Variants in RAB38 observed in about 807,000 individuals in gnomAD.
RAB38 encodes the protein ras-related protein Rab-38.
RAB38 carries 15 observed loss-of-function variants against 18.4 expected under a neutral mutation model. That is an observed-to-expected ratio of 0.82 (90% CI 0.55 to 1.26). RAB38 has a LOEUF of 1.26. Among genes scored for constraint, RAB38 ranks in the 50% most tolerant of loss-of-function variants. RAB38 has a pLI of 0.00. For synonymous variants in RAB38, 101 were observed against 104.4 expected, an observed-to-expected ratio of 0.97 and a Z score of 0.20; for missense variants, 294 against 267.4, an observed-to-expected ratio of 1.10 and a Z score of -0.69.
the RAB38 span, among the ~76,000 whole-genome samples, chr11:87,942,397 A>C: frequency 6.6e-5 from 10 of 152,254 alleles, no homozygotes; most frequent in East Asian, 1.9e-3. Context: ...TCCCTGATGA[A>C]TTCTAGGGTA....
the RAB38 span, among the ~76,000 whole-genome samples, chr11:87,924,258 G>A: frequency 2.0e-5 from 3 of 151,978 alleles, no homozygotes; most frequent in Admixed American, 6.6e-5. Flanking sequence ...CTTGGAAGTC[G>A]GTAAGTAAGG....
the RAB38 span, among the ~76,000 whole-genome samples, chr11:87,921,984 A>G: frequency 6.6e-6 from 1 of 152,056 alleles, no homozygotes; most frequent in Admixed American, 6.6e-5. Flanking sequence ...GTAGGCAGGT[A>G]GACAGATAAG....
At chr11:87,826,281 A>G in the RAB38 span, among the ~76,000 whole-genome samples, 17 of 152,280 alleles carry the variant, frequency 1.1e-4, 1 homozygote, top group Middle Eastern at 0.01. Flanking sequence ...GGTCAGAACA[A>G]TATTACATTG....
intron 2 of RAB38, among the ~76,000 whole-genome samples, chr11:88,121,764 A>C (rs938104864): frequency 6.6e-6 from 1 of 152,112 alleles, no homozygotes; most frequent in Non-Finnish European, 1.5e-5. Context: ...GGGTTTCACC[A>C]TGTTGGCCAG....
At chr11:87,957,114 G>A in the RAB38 span, among the ~76,000 whole-genome samples, 1 of 151,728 alleles carries the variant, frequency 6.6e-6, no homozygotes, top group African/African-American at 2.4e-5. Flanking sequence ...ACTTACAGTG[G>A]GTGAGGAAAA....
chr11:88,025,628 G>T, the RAB38 span, among the ~76,000 whole-genome samples: 3 of 152,144 alleles, frequency 2.0e-5, no homozygotes, highest in African/African-American at 4.8e-5. Flanking sequence ...GATAATAAGT[G>T]ATATGGAGCA....
chr11:87,901,446 T>C, the RAB38 span, among the ~76,000 whole-genome samples: 1 of 151,616 alleles, frequency 6.6e-6, no homozygotes, highest in Non-Finnish European at 1.5e-5. Flanking sequence ...AAAGTAAGTG[T>C]AATATTTTTT....
chr11:88,130,726 C>T (rs2046554), intron 2 of RAB38, among the ~76,000 whole-genome samples: 129,777 of 152,160 alleles, frequency 0.85, 55,647 homozygotes, highest in Middle Eastern at 0.93. Flanking sequence ...TTTAATTACA[C>T]TAAATAAGAA....
chr11:87,890,875 G>A, the RAB38 span, among the ~76,000 whole-genome samples: 3 of 151,834 alleles, frequency 2.0e-5, no homozygotes, highest in African/African-American at 4.8e-5. Flanking sequence ...AGGAGGACTA[G>A]CCTAGTGCAA....
rs927075865 is a variant in RAB38 at position 88,113,282 on chromosome 11, T to C, written c.*706A>G. ...AACAGCATCTTTTAATGTTTTATTG[T>C]TCACTTGCAAAAATATATATAATAT... is the stretch of plus-strand genomic sequence containing the variant. On this transcript the variant is annotated 3_prime_UTR_variant, in exon 3 of 3. Coordinates refer to ENST00000243662, the MANE Select transcript of RAB38 (RefSeq NM_022337.3). 3 of 152,580 alleles carry C rather than the reference T, an allele frequency of 2.0e-5. No homozygotes were observed. The highest frequency in any genetic ancestry group is 2.9e-5 in the Non-Finnish European group (2 of 68,008). 9.5% of individuals were successfully genotyped at this position (152,580 alleles called of 1,614,324 possible).
the RAB38 span, among the ~76,000 whole-genome samples, chr11:87,907,825 T>C: frequency 7.2e-5 from 11 of 151,890 alleles, no homozygotes; most frequent in Non-Finnish European, 1.5e-4. Context: ...GTGATATTTC[T>C]CTTTTGCTAT....
chr11:88,032,548 C>G, the RAB38 span, among the ~76,000 whole-genome samples: 1 of 152,132 alleles, frequency 6.6e-6, no homozygotes, highest in Non-Finnish European at 1.5e-5. Flanking sequence ...CAAACAACCC[C>G]ATCAAAAAGT....
chr11:88,053,186 T>C, the RAB38 span, among the ~76,000 whole-genome samples: 5 of 110,382 alleles, frequency 4.5e-5, no homozygotes, highest in Admixed American at 1.1e-4. Context: ...AATATATATA[T>C]ACACACATAT....
chr11:88,073,249 T>C, the RAB38 span, among the ~76,000 whole-genome samples: 2 of 152,138 alleles, frequency 1.3e-5, no homozygotes, highest in Admixed American at 1.3e-4. Context: ...GAAACTCTGC[T>C]CTGTAACTCA....
At chr11:88,141,191 T>C (rs780787308) in intron 2 of RAB38, among the ~76,000 whole-genome samples, 2 of 152,234 alleles carry the variant, frequency 1.3e-5, no homozygotes, top group Non-Finnish European at 2.9e-5. Context: ...CAGAACCAAC[T>C]GGGCACAAGA....
At chr11:88,125,045 C>A (rs1591157672) in intron 2 of RAB38, among the ~76,000 whole-genome samples, 1 of 152,200 alleles carries the variant, frequency 6.6e-6, no homozygotes, top group African/African-American at 2.4e-5. Context: ...CATTTTACCC[C>A]AGTTCATGTC....
At chr11:88,065,754 A>G in the RAB38 span, among the ~76,000 whole-genome samples, 1 of 152,342 alleles carries the variant, frequency 6.6e-6, no homozygotes, top group Non-Finnish European at 1.5e-5. Context: ...AATGCTTCAC[A>G]TTAATATTGA....
At chr11:87,833,630 T>C in the RAB38 span, among the ~76,000 whole-genome samples, 3 of 152,210 alleles carry the variant, frequency 2.0e-5, no homozygotes, top group South Asian at 6.2e-4. Context: ...AAAAATCTTG[T>C]AAGTACTGTT....
At chr11:88,100,178 A>T in the RAB38 span, 8 of 152,026 alleles carry the variant, frequency 5.3e-5, no homozygotes, top group East Asian at 1.6e-3. Context: ...CAAAGACAAA[A>T]CAACAAAGAT....
Sources: allele counts gnomAD v4.1 joint callset (sites outside exome capture counted in the v4.1 genomes callset), GRCh38; gene constraint gnomAD v4.1.1; transcripts MANE v1.5; gene names NCBI Gene and HGNC (gene_info 2026-07-23, HGNC 2026-07-21).